Variants in GABRR1 observed in about 807,000 individuals in gnomAD.
GABRR1 encodes gamma-aminobutyric acid type A receptor subunit rho1.
A neutral mutation model predicts 55.5 loss-of-function variants in GABRR1; 59 were observed. The observed-to-expected ratio is 1.06, with a 90% CI of 0.86 to 1.32. The LOEUF is 1.32. Ranked by LOEUF, GABRR1 falls within the 40% of genes most tolerant of loss-of-function variation. GABRR1 has a pLI of 0.00. For missense variants in GABRR1, 602 were observed against 619.1 expected, an observed-to-expected ratio of 0.97 and a Z score of 0.29; for synonymous variants, 213 against 226.0, an observed-to-expected ratio of 0.94 and a Z score of 0.51.
chr6:89,197,750 C>A (rs964120483), intron 5 of GABRR1, among the ~76,000 whole-genome samples: 2 of 150,724 alleles, frequency 1.3e-5, no homozygotes, highest in African/African-American at 2.4e-5. Flanking sequence ...TTATCTATTT[C>A]TCTGACTCCT....
At chr6:89,204,067 A>C (rs576880056) in intron 1 of GABRR1, among the ~76,000 whole-genome samples, 2 of 152,336 alleles carry the variant, frequency 1.3e-5, no homozygotes, top group African/African-American at 4.8e-5. Context: ...ATAATAGTTA[A>C]TATTTCCCCT....
At chr6:89,226,041 T>C (rs1773195408) in intron 1 of GABRR1, among the ~76,000 whole-genome samples, 2 of 152,016 alleles carry the variant, frequency 1.3e-5, no homozygotes, top group Admixed American at 6.5e-5. Flanking sequence ...TTTCATGTGT[T>C]TTTTGGCTGC....
chr6:89,188,230 C>T (rs1034939615), intron 6 of GABRR1, among the ~76,000 whole-genome samples: 7 of 152,178 alleles, frequency 4.6e-5, no homozygotes, highest in East Asian at 3.9e-4. Context: ...TGCTATGTTG[C>T]CCAGACTGGT....
At chr6:89,230,916 T>C (rs1232805009) in intron 1 of GABRR1, among the ~76,000 whole-genome samples, 7 of 150,890 alleles carry the variant, frequency 4.6e-5, no homozygotes, top group African/African-American at 7.3e-5. Context: ...ATCAGCGAGA[T>C]TCCATGGGCG....
chr6:89,178,793 T>C lies in GABRR1; in HGVS notation c.1417A>G (p.Ile473Val). Residue 473 changes from isoleucine to valine, a missense_variant, in exon 10 of 10, where the codon ATA becomes GTA. By Grantham distance (29) the Ile-to-Val change is conservative (BLOSUM62 3). This residue lies in a region of GABRR1 where 139 missense variants were observed against 141.1 expected (regional missense o/e 0.99). Transcript: ENST00000454853. ...ATCTAGGAGAAAATAGACCAGTATA[T>C]TAAATTGAATAAAATGTATGCTGCT... ...FPAAYILFNLIYWSIFS is the reference protein window; with the variant it reads ...FPAAYILFNLVYWSIFS The C allele has an allele frequency of 6.2e-7, 1 of 1,613,862 alleles. No homozygotes were observed. The highest frequency in any genetic ancestry group is 1.1e-5 in the South Asian group (1 of 91,078).
chr6:89,201,335 T>C, intron 2 of GABRR1, 70 bp from the exon 3 acceptor site: 1 of 1,046,714 alleles, frequency 9.6e-7, no homozygotes, highest in Non-Finnish European at 1.5e-6. Context: ...ACTTGCATTC[T>C]GACTTGATCT....
chr6:89,229,643 G>C (rs1369441300), intron 1 of GABRR1, among the ~76,000 whole-genome samples: 14 of 108,852 alleles, frequency 1.3e-4, no homozygotes, highest in African/African-American at 4.4e-4. Context: ...CTGTTAGTCT[G>C]ATGGGCTTCC....
intron 1 of GABRR1, chr6:89,204,558 G>A: frequency 9.5e-7 from 1 of 1,053,142 alleles, no homozygotes; most frequent in Non-Finnish European, 1.2e-6. Flanking sequence ...GAATGAAAGA[G>A]GAGATTGGAA....
chr6:89,196,819 G>GA lies in GABRR1; in HGVS notation c.572+1200dup, dbSNP rs1388940084. 1.2e-4 allele frequency among the ~76,000 whole-genome samples: 8 copies of GA among 65,284 alleles called. No homozygotes were observed. The East Asian group carries it at 1.5e-3, about 12-fold the overall frequency. The allele number at this position is 65,284 out of a possible 152,430, so 42.8% of individuals were successfully genotyped here. A position where few individuals can be genotyped will look rare whatever the true frequency, so the allele number is the denominator to read the frequency against. On this transcript the variant is annotated intron_variant, in intron 5 of 9. Coordinates refer to ENST00000454853, the MANE Select transcript of GABRR1 (RefSeq NM_002042.5). ...GAAAGAAAAGAAGAAAGAAAGAAAA[G>GA]AAGGAAAGAAAGAAAGAAAGAAAGA...
upstream of GABRR1, among the ~76,000 whole-genome samples, chr6:89,219,250 G>C (rs777463906): frequency 2.0e-5 from 3 of 152,186 alleles, no homozygotes; most frequent in Non-Finnish European, 4.4e-5. Flanking sequence ...TGGGCAATAA[G>C]GAATGAAACT....
chr6:89,188,445 G>C (rs536673119), intron 6 of GABRR1, among the ~76,000 whole-genome samples: 1 of 152,232 alleles, frequency 6.6e-6, no homozygotes, highest in African/African-American at 2.4e-5. Context: ...CTGTTTTGTT[G>C]ACAGTATTCA....
intron 5 of GABRR1, among the ~76,000 whole-genome samples, chr6:89,196,870 A>AGAAG (rs759085193): frequency 1.4e-5 from 2 of 141,694 alleles, no homozygotes; most frequent in African/African-American, 5.2e-5. Flanking sequence ...AAAGAAAGAA[A>AGAAG]GAAAGAAAGA....
upstream of GABRR1, among the ~76,000 whole-genome samples, chr6:89,218,089 ACT>A (rs1195881660): frequency 2.6e-5 from 4 of 152,074 alleles, no homozygotes; most frequent in Admixed American, 2.6e-4. Flanking sequence ...TTACTTTAAG[ACT>A]CTGCTATAAT....
intron 1 of GABRR1, 90 bp downstream of exon 1, chr6:89,217,111 G>A: frequency 7.0e-7 from 1 of 1,425,002 alleles, no homozygotes; most frequent in Non-Finnish European, 9.6e-7. Context: ...ACCATACGCT[G>A]GAAATGATGC....
chr6:89,219,772 T>C (rs979987621), upstream of GABRR1, among the ~76,000 whole-genome samples: 1 of 147,022 alleles, frequency 6.8e-6, no homozygotes, highest in African/African-American at 2.4e-5. Flanking sequence ...TATAAATCTC[T>C]ATAAATCAAG....
chr6:89,191,684 T>C (rs1447976136), intron 5 of GABRR1, among the ~76,000 whole-genome samples: 1 of 152,176 alleles, frequency 6.6e-6, no homozygotes, highest in Non-Finnish European at 1.5e-5. Flanking sequence ...AATTGATTCA[T>C]TGGAGGGGCT....
upstream of GABRR1, among the ~76,000 whole-genome samples, chr6:89,219,003 C>T (rs138548423): frequency 6.6e-6 from 1 of 152,058 alleles, no homozygotes; most frequent in East Asian, 1.9e-4. Flanking sequence ...CGGTGGCTCA[C>T]GCCTGTAATC....
chr6:89,206,091 C>T (rs1299684659), intron 1 of GABRR1, among the ~76,000 whole-genome samples: 3 of 152,014 alleles, frequency 2.0e-5, no homozygotes, highest in Non-Finnish European at 4.4e-5. Flanking sequence ...CATGCCCCAC[C>T]CCTGCTGTCT....
chr6:89,184,264 A>AAT (rs1554189609), intron 7 of GABRR1, among the ~76,000 whole-genome samples: 57 of 149,786 alleles, frequency 3.8e-4, no homozygotes, highest in Non-Finnish European at 5.6e-4. Flanking sequence ...AAAAAAAAAA[A>AAT]AAATTCCTAG....
Sources: gnomAD v4.1 joint callset for allele counts (sites outside exome capture counted in the v4.1 genomes callset) on GRCh38, gnomAD v4.1.1 for gene constraint, gnomAD v4.1.1 regional missense constraint, MANE v1.5 for transcripts, NCBI Gene and HGNC (gene_info 2026-07-23, HGNC 2026-07-21) for gene names.